Variants in PXDNL observed in about 807,000 individuals in gnomAD.
PXDNL encodes probable oxidoreductase PXDNL.
A neutral mutation model predicts 150.8 loss-of-function variants in PXDNL; 145 were observed. That is an observed-to-expected ratio of 0.96 (90% confidence interval 0.84 to 1.10). The LOEUF (loss-of-function observed/expected upper bound fraction) is 1.10. PXDNL is among the 50% of genes least tolerant of loss of function. The pLI, the probability that PXDNL is intolerant of heterozygous loss-of-function variation, is 0.00. For missense variants in PXDNL, 2,087 were observed against 1,873.9 expected, an observed-to-expected ratio of 1.11 and a Z score of -2.10; for synonymous variants, 757 against 725.7, an observed-to-expected ratio of 1.04 and a Z score of -0.69.
rs571489236 is a variant in PXDNL at position 51,768,396 on chromosome 8, C to T, written c.164+40785G>A. On this transcript the variant is annotated intron_variant, in intron 1 of 22. Coordinates refer to ENST00000356297, the MANE Select transcript of PXDNL (RefSeq NM_144651.5). ...GTAAACAGCTAGTTGATAATTAAGG[C>T]TTTATATGAACAGAGTTTTATGTCA... Among the ~76,000 whole-genome samples, 18 of 151,980 alleles carry T rather than the reference C, an allele frequency of 1.2e-4. No individual in the cohort carries two copies. In the South Asian group the frequency reaches 3.7e-3, roughly 32 times the overall value.
chr8:51,404,138 G>A (rs1358552769), intron 17 of PXDNL, among the ~76,000 whole-genome samples: 1 of 152,230 alleles, frequency 6.6e-6, no homozygotes, highest in African/African-American at 2.4e-5. Flanking sequence ...CTTGGGGTGA[G>A]TGTTTCAGCT....
At chr8:51,539,019 C>A (rs1337181733) in intron 4 of PXDNL, among the ~76,000 whole-genome samples, 3 of 152,054 alleles carry the variant, frequency 2.0e-5, no homozygotes, top group African/African-American at 7.2e-5. Context: ...GAGTTGAAAT[C>A]GTGTAAGCAG....
At chr8:51,566,798 T>C (rs1812838837) in intron 3 of PXDNL, among the ~76,000 whole-genome samples, 1 of 151,464 alleles carries the variant, frequency 6.6e-6, no homozygotes. Context: ...ATTTCTGCTC[T>C]ATTTTGTAAT....
chr8:51,398,065 G>A (rs1288451362), intron 17 of PXDNL, among the ~76,000 whole-genome samples: 2 of 152,216 alleles, frequency 1.3e-5, no homozygotes, highest in African/African-American at 4.8e-5. Context: ...ATGGAAAGGA[G>A]ACTAGTTTTC....
In PXDNL at chr8:51,390,895, C is replaced by T. The variant is rs188127934; in HGVS notation, c.3558-16164G>A. Reference sequence around the variant, plus strand: ...TATGTCCTAATGCTATCCCTCCCCCCTCCTCCGACCCCACAACAGTCCCCA... The same window carrying T: ...TATGTCCTAATGCTATCCCTCCCCCTTCCTCCGACCCCACAACAGTCCCCA... On this transcript the variant is annotated intron_variant, in intron 17 of 22. Coordinates refer to ENST00000356297, the MANE Select transcript of PXDNL (RefSeq NM_144651.5). Among the ~76,000 whole-genome samples, 400 of 152,180 alleles carry T rather than the reference C, an allele frequency of 2.6e-3. 6 individuals are homozygous for T. In the East Asian group the frequency reaches 0.027, roughly 10 times the overall value.
chr8:51,777,084 A>G (rs1287436268), intron 1 of PXDNL, among the ~76,000 whole-genome samples: 1 of 152,164 alleles, frequency 6.6e-6, no homozygotes, highest in East Asian at 1.9e-4. Context: ...TTAGCTACTC[A>G]TTTCCTATAT....
intron 4 of PXDNL, among the ~76,000 whole-genome samples, chr8:51,506,264 T>G (rs1023986032): frequency 1.3e-5 from 2 of 152,236 alleles, no homozygotes; most frequent in South Asian, 4.1e-4. Context: ...AGAAAAAGGC[T>G]GGGCACAGTG....
At chr8:51,572,355 A>G (rs913234161) in intron 3 of PXDNL, among the ~76,000 whole-genome samples, 2 of 151,964 alleles carry the variant, frequency 1.3e-5, no homozygotes, top group African/African-American at 4.8e-5. Context: ...AAAATATAGT[A>G]TATCTGTACA....
At chr8:51,329,948 G>T (rs966940097) in intron 21 of PXDNL, among the ~76,000 whole-genome samples, 2 of 152,210 alleles carry the variant, frequency 1.3e-5, no homozygotes, top group Non-Finnish European at 2.9e-5. Flanking sequence ...TGGAGAGCCA[G>T]AGGACAAATG....
chr8:51,494,024 C>A (rs558384683), intron 5 of PXDNL, among the ~76,000 whole-genome samples: 1 of 152,152 alleles, frequency 6.6e-6, no homozygotes, highest in Non-Finnish European at 1.5e-5. Context: ...TAAGGGCAGC[C>A]AGAGAGAAAG....
At chr8:51,342,574 C>T (rs1806021582) in intron 20 of PXDNL, among the ~76,000 whole-genome samples, 1 of 152,110 alleles carries the variant, frequency 6.6e-6, no homozygotes, top group Non-Finnish European at 1.5e-5. Context: ...ACGATAGTCT[C>T]AAACAAACAT....
At chr8:51,392,941 A>G (rs1158586326) in intron 17 of PXDNL, among the ~76,000 whole-genome samples, 1 of 152,176 alleles carries the variant, frequency 6.6e-6, no homozygotes, top group Non-Finnish European at 1.5e-5. Flanking sequence ...AGAGTACACT[A>G]TTGGGAGTAG....
At chr8:51,482,750 T>C (rs1353981590) in intron 6 of PXDNL, among the ~76,000 whole-genome samples, 1 of 152,202 alleles carries the variant, frequency 6.6e-6, no homozygotes, top group Non-Finnish European at 1.5e-5. Flanking sequence ...AAGACATTCC[T>C]TTGCTCTCTC....
chr8:51,411,658 T>G (rs1168301080), intron 15 of PXDNL, among the ~76,000 whole-genome samples: 1 of 152,158 alleles, frequency 6.6e-6, no homozygotes, highest in African/African-American at 2.4e-5. Context: ...TAAACAATAG[T>G]TTTAGGAAAC....
chr8:51,505,896 G>A (rs749998405), intron 4 of PXDNL, among the ~76,000 whole-genome samples: 1 of 152,138 alleles, frequency 6.6e-6, no homozygotes, highest in Non-Finnish European at 1.5e-5. Context: ...AAATAGGCAC[G>A]CTTTAGCTTC....
chr8:51,424,979 G>A (rs928183833), intron 13 of PXDNL, among the ~76,000 whole-genome samples: 1 of 152,224 alleles, frequency 6.6e-6, no homozygotes. Flanking sequence ...AGAGAGACCA[G>A]ACATAAGGCA....
At chr8:51,674,786 C>T (rs898730292) in intron 1 of PXDNL, among the ~76,000 whole-genome samples, 6 of 152,292 alleles carry the variant, frequency 3.9e-5, no homozygotes, top group East Asian at 3.9e-4. Flanking sequence ...ACTGGCATGC[C>T]GCTCCTATTT....
At position 51,408,255 on chromosome 8, in the gene PXDNL, G is replaced by A; in HGVS notation, c.3369C>T (p.Thr1123=). 1 of 1,613,964 alleles carries A rather than the reference G, an allele frequency of 6.2e-7. No homozygotes were observed. Among genetic ancestry groups the A allele is most frequent in the Non-Finnish European group, 8.5e-7 (1 of 1,179,900 alleles). Reference sequence around the variant, plus strand: ...AATAAGCCGCGGAGAAGAGCCTCTGGGTCAGCTCAGGACTGAGAAGGTAGG... The same window carrying A: ...AATAAGCCGCGGAGAAGAGCCTCTGAGTCAGCTCAGGACTGAGAAGGTAGG... ...APSYLLSPEL[T]QRLFSAAYSA... Residue 1123 remains threonine, a synonymous_variant, in exon 17 of 23, where the codon ACC becomes ACT. Transcript: ENST00000356297.
At chr8:51,770,915 T>C (rs544352750) in intron 1 of PXDNL, among the ~76,000 whole-genome samples, 29 of 152,290 alleles carry the variant, frequency 1.9e-4, no homozygotes, top group African/African-American at 6.7e-4. Context: ...TGACCACTAC[T>C]GCACACCACA....
Sources: gnomAD v4.1 joint callset for allele counts (sites outside exome capture counted in the v4.1 genomes callset) on GRCh38, gnomAD v4.1.1 for gene constraint, MANE v1.5 for transcripts, NCBI Gene and HGNC (gene_info 2026-07-23, HGNC 2026-07-21) for gene names.